The following HOMER2 variants were observed in gnomAD, a reference collection of about 807,000 sequenced individuals.
HOMER2 encodes the protein homer protein homolog 2.
HOMER2 carries 27 observed loss-of-function variants against 47.0 expected under a neutral mutation model. That is an observed-to-expected ratio of 0.57 (90% CI 0.42 to 0.79). HOMER2 has a LOEUF of 0.79. HOMER2 is among the 30% of genes least tolerant of loss of function. HOMER2 has a pLI of 0.00. For missense variants in HOMER2, 443 were observed against 435.0 expected (o/e 1.02, Z -0.16); for synonymous variants, 161 against 163.8 (o/e 0.98, Z 0.13).
At chr15:82,907,750 T>C (rs1345937096) in intron 1 of HOMER2, among the ~76,000 whole-genome samples, 2 of 152,062 alleles carry the variant, frequency 1.3e-5, no homozygotes, top group African/African-American at 4.8e-5. Flanking sequence ...CCTCAACAAA[T>C]TTAGAAGAAT....
At chr15:82,867,965 C>T (rs1313523449) in intron 3 of HOMER2, among the ~76,000 whole-genome samples, 3 of 152,090 alleles carry the variant, frequency 2.0e-5, no homozygotes, top group African/African-American at 4.8e-5. Context: ...TCATGAGAGC[C>T]GCCTAGTAAT....
chr15:82,849,719 T>A lies in HOMER2; in HGVS notation c.1028A>T (p.Asn343Ile). The part of the protein sequence containing the change: ...RRGLSKLGTD[N>I] Reference sequence around the variant, plus strand: ...GGGCCTGGGCCTCGGCCAGCCCTAGTTATCGGTGCCCAGCTTGGAGAGCCC... The same window carrying A: ...GGGCCTGGGCCTCGGCCAGCCCTAGATATCGGTGCCCAGCTTGGAGAGCCC... The change falls in exon 9 of 9, where the codon AAC (asparagine) becomes ATC (isoleucine). Residue 343 changes from asparagine (N) to isoleucine (I), a missense_variant. Physicochemically the swap from Asn to Ile is moderately radical, Grantham distance 149. Coordinates refer to ENST00000450735, the MANE Select transcript of HOMER2 (RefSeq NM_004839.4). 6.2e-7 allele frequency: 1 copy of A among 1,612,800 alleles called. No individual in the cohort carries two copies. The highest frequency in any genetic ancestry group is 8.5e-7 in the Non-Finnish European group (1 of 1,179,462).
intron 1 of HOMER2, among the ~76,000 whole-genome samples, chr15:82,962,545 C>T (rs2054640542): frequency 2.0e-5 from 3 of 149,190 alleles, no homozygotes; most frequent in Admixed American, 6.7e-5. Flanking sequence ...GGTTTGGTGG[C>T]GTGCGCCTAT....
At chr15:82,978,088 T>C (rs2030266340) in intron 1 of HOMER2, among the ~76,000 whole-genome samples, 1 of 152,122 alleles carries the variant, frequency 6.6e-6, no homozygotes, top group South Asian at 2.1e-4. Context: ...AGGCAGAGGT[T>C]ATGGCGAGTC....
exon 2 of HOMER2, chr15:82,958,941 T>C (rs1442439865): frequency 1.3e-5 from 2 of 152,330 alleles, no homozygotes; most frequent in East Asian, 3.9e-4. Flanking sequence ...TGCTGCCCCA[T>C]GCTCTGAGCT....
chr15:82,914,230 T>A (rs1417473293), intron 1 of HOMER2, among the ~76,000 whole-genome samples: 14 of 129,680 alleles, frequency 1.1e-4, no homozygotes, highest in Non-Finnish European at 1.6e-4. Context: ...CACACACAAT[T>A]AGCCAGGCAT....
intron 1 of HOMER2, among the ~76,000 whole-genome samples, chr15:82,935,666 C>T (rs758693919): frequency 1.8e-4 from 28 of 152,180 alleles, no homozygotes; most frequent in Non-Finnish European, 3.5e-4. Flanking sequence ...CTCCTAGTGG[C>T]ATAACCTAAA....
chr15:82,926,788 G>A (rs1031474633), intron 1 of HOMER2, among the ~76,000 whole-genome samples: 1 of 152,182 alleles, frequency 6.6e-6, no homozygotes, highest in Non-Finnish European at 1.5e-5. Flanking sequence ...CTCATGGGGA[G>A]GATTGATGCC....
chr15:82,853,663 AG>A (rs1477304102), intron 6 of HOMER2, among the ~76,000 whole-genome samples: 3 of 152,218 alleles, frequency 2.0e-5, no homozygotes, highest in African/African-American at 7.2e-5. Context: ...GATCAAAACA[AG>A]GTTAGCAGAG....
At chr15:82,911,305 G>C (rs958806000) in intron 1 of HOMER2, among the ~76,000 whole-genome samples, 5 of 152,082 alleles carry the variant, frequency 3.3e-5, no homozygotes, top group African/African-American at 1.2e-4. Context: ...TTGCAAATTA[G>C]TTCTAGTTTT....
intron 1 of HOMER2, among the ~76,000 whole-genome samples, chr15:82,910,394 G>A (rs1311687155): frequency 6.6e-6 from 1 of 152,176 alleles, no homozygotes; most frequent in Non-Finnish European, 1.5e-5. Flanking sequence ...AGAGGACTGA[G>A]CACCTTATGG....
intron 8 of HOMER2, among the ~76,000 whole-genome samples, chr15:82,850,405 G>A (rs901916030): frequency 6.6e-6 from 1 of 152,242 alleles, no homozygotes. Context: ...ATGACTCAGG[G>A]ACAGCCAGTC....
At chr15:82,844,536 A>C (rs2051213199), downstream of HOMER2, 1 of 152,152 alleles carries the variant, frequency 6.6e-6, no homozygotes, top group Non-Finnish European at 1.5e-5. Context: ...AAAGTAATAA[A>C]ACACACACAG....
intron 1 of HOMER2, among the ~76,000 whole-genome samples, chr15:82,983,390 C>G (rs2151265696): frequency 6.6e-6 from 1 of 152,300 alleles, no homozygotes; most frequent in Middle Eastern, 3.4e-3. Flanking sequence ...TAGAGCCTCT[C>G]TTTCCTGAGA....
intron 4 of HOMER2, among the ~76,000 whole-genome samples, chr15:82,860,078 T>C (rs1458937364): frequency 1.3e-5 from 2 of 151,880 alleles, no homozygotes; most frequent in African/African-American, 4.8e-5. Flanking sequence ...TGAAACCCTG[T>C]CTCTACTAAA....
At chr15:82,918,942 G>T (rs2053659256) in intron 1 of HOMER2, among the ~76,000 whole-genome samples, 1 of 152,206 alleles carries the variant, frequency 6.6e-6, no homozygotes, top group Non-Finnish European at 1.5e-5. Context: ...GCAGATCACA[G>T]ATTTCCAGAA....
chr15:82,865,704 C>T (rs2051943300), intron 3 of HOMER2, among the ~76,000 whole-genome samples: 1 of 152,208 alleles, frequency 6.6e-6, no homozygotes. Flanking sequence ...TGGTGACCTG[C>T]ATCCCAGCAG....
intron 8 of HOMER2, among the ~76,000 whole-genome samples, chr15:82,850,710 G>A (rs909851623): frequency 3.3e-5 from 5 of 152,218 alleles, no homozygotes; most frequent in African/African-American, 1.2e-4. Flanking sequence ...GGCGCTCCGA[G>A]GTGGAGGAAG....
intron 1 of HOMER2, among the ~76,000 whole-genome samples, chr15:82,907,027 T>C (rs1596342050): frequency 1.3e-5 from 2 of 152,202 alleles, no homozygotes; most frequent in Non-Finnish European, 2.9e-5. Context: ...TCCACTACTA[T>C]AGTTGGAAAT....
Sources: gnomAD v4.1 joint callset for allele counts (sites outside exome capture counted in the v4.1 genomes callset) on GRCh38, gnomAD v4.1.1 for gene constraint, MANE v1.5 for transcripts, NCBI Gene and HGNC (gene_info 2026-07-23, HGNC 2026-07-21) for gene names.